Variants in NEXMIF observed in about 807,000 individuals in gnomAD.
NEXMIF encodes neurite extension and migration factor.
Under a neutral mutation model 62.1 loss-of-function variants are expected in NEXMIF, and 8 were observed. The observed-to-expected ratio is 0.13, with a 90% CI of 0.08 to 0.23. The LOEUF is 0.23. NEXMIF is among the 10% of genes least tolerant of loss of function. NEXMIF has a pLI of 1.00. For missense variants in NEXMIF, 976 were observed against 1,113.3 expected (o/e 0.88, Z 1.75); for synonymous variants, 404 against 416.6 (o/e 0.97, Z 0.37).
intron 1 of NEXMIF, among the ~76,000 whole-genome samples, chrX:74,914,142 G>C (rs982422966): frequency 8.9e-6 from 1 of 111,745 alleles, no homozygotes; most frequent in African/African-American, 3.3e-5. Context: ...AACTTAAAGA[G>C]GGGTAAGGTT....
At chrX:74,758,746 T>G (rs948882840) in intron 1 of NEXMIF, among the ~76,000 whole-genome samples, 3 of 112,186 alleles carry the variant, frequency 2.7e-5, no homozygotes, top group African/African-American at 9.7e-5. Flanking sequence ...GACCTCGTTC[T>G]TTTTTTATGG....
intron 1 of NEXMIF, among the ~76,000 whole-genome samples, chrX:74,823,886 T>G (rs1281918059): frequency 8.9e-6 from 1 of 111,872 alleles, no homozygotes; most frequent in East Asian, 2.8e-4. Context: ...GCAAATTTTC[T>G]GTAAGTCCTA....
At chrX:74,884,075 T>C (rs1023592878) in intron 1 of NEXMIF, among the ~76,000 whole-genome samples, 3 of 111,286 alleles carry the variant, frequency 2.7e-5, no homozygotes, top group Non-Finnish European at 5.7e-5. Context: ...GAAATAAAAT[T>C]CTTTACAGAC....
At chrX:74,833,316 G>A (rs777325983) in intron 1 of NEXMIF, among the ~76,000 whole-genome samples, 17 of 111,444 alleles carry the variant, frequency 1.5e-4, no homozygotes, top group East Asian at 1.1e-3. Context: ...ATTTACAATC[G>A]TTCTATCCTG....
intron 1 of NEXMIF, among the ~76,000 whole-genome samples, chrX:74,793,066 A>G (rs2080291288): frequency 9.2e-6 from 1 of 109,142 alleles, no homozygotes; most frequent in African/African-American, 3.3e-5. Flanking sequence ...GTTTCTTCCT[A>G]GTCTTGATGG....
intron 2 of NEXMIF, among the ~76,000 whole-genome samples, chrX:74,744,930 CCTCTCT>C (rs749595584): frequency 1.2e-5 from 1 of 86,571 alleles, no homozygotes; most frequent in African/African-American, 4.3e-5. Flanking sequence ...TTCTCTCTCT[CCTCTCT>C]CTCTCTCTCT....
chrX:74,857,408 C>T (rs951909514), intron 1 of NEXMIF, among the ~76,000 whole-genome samples: 3 of 112,089 alleles, frequency 2.7e-5, no homozygotes, highest in African/African-American at 9.7e-5. Flanking sequence ...TAGACACATT[C>T]TGAAACAGAA....
At chrX:74,748,225 T>A (rs1003359800) in intron 1 of NEXMIF, among the ~76,000 whole-genome samples, 1 of 112,093 alleles carries the variant, frequency 8.9e-6, no homozygotes, top group African/African-American at 3.2e-5. Context: ...AAGGGAAAAC[T>A]GAGTATCACA....
intron 1 of NEXMIF, among the ~76,000 whole-genome samples, chrX:74,851,686 G>C (rs1480807657): frequency 9.0e-6 from 1 of 111,626 alleles, no homozygotes; most frequent in Admixed American, 9.5e-5. Context: ...AGCCAAAGCT[G>C]AGGGAATTCA....
At chrX:74,912,602 T>G (rs1220445454) in intron 1 of NEXMIF, among the ~76,000 whole-genome samples, 3 of 111,294 alleles carry the variant, frequency 2.7e-5, no homozygotes, top group African/African-American at 9.8e-5. Context: ...GCACCTCAGG[T>G]TTTGGAACCA....
At chrX:74,912,206 C>A (rs751792778) in intron 1 of NEXMIF, among the ~76,000 whole-genome samples, 1 of 111,449 alleles carries the variant, frequency 9.0e-6, no homozygotes, top group Admixed American at 9.5e-5. Context: ...TAAATGCTCC[C>A]CACCTGGCTA....
intron 1 of NEXMIF, among the ~76,000 whole-genome samples, chrX:74,866,952 A>C (rs2080581902): frequency 8.9e-6 from 1 of 112,458 alleles, no homozygotes; most frequent in Admixed American, 9.4e-5. Flanking sequence ...ATACAAAACC[A>C]ATGTGCAAGA....
intron 1 of NEXMIF, among the ~76,000 whole-genome samples, chrX:74,755,697 G>A (rs1228990412): frequency 9.0e-6 from 1 of 111,642 alleles, no homozygotes; most frequent in Non-Finnish European, 1.9e-5. Context: ...TAAAACTACT[G>A]TTTCAGATCC....
intron 1 of NEXMIF, among the ~76,000 whole-genome samples, chrX:74,760,540 T>C (rs2080172737): frequency 8.9e-6 from 1 of 111,992 alleles, no homozygotes; most frequent in South Asian, 3.7e-4. Flanking sequence ...TAGATGGCTC[T>C]TATTATTTTG....
intron 1 of NEXMIF, among the ~76,000 whole-genome samples, chrX:74,876,791 T>G (rs1371782803): frequency 1.9e-5 from 2 of 103,264 alleles, no homozygotes; most frequent in Admixed American, 1.1e-4. Flanking sequence ...AAAGTCTGTT[T>G]TATCAGAGAC....
At chrX:74,879,480 AG>A (rs1292624346) in intron 1 of NEXMIF, among the ~76,000 whole-genome samples, 3 of 112,344 alleles carry the variant, frequency 2.7e-5, no homozygotes, top group Non-Finnish European at 5.6e-5. Context: ...AATAAAGCAA[AG>A]AGAAAAATAA....
intron 1 of NEXMIF, among the ~76,000 whole-genome samples, chrX:74,796,669 G>A (rs2080312998): frequency 9.0e-6 from 1 of 110,884 alleles, no homozygotes; most frequent in Non-Finnish European, 1.9e-5. Flanking sequence ...TAAAGCAGGA[G>A]CATTTGAGTA....
chrX:74,855,039 T>A (rs2080529792), intron 1 of NEXMIF, among the ~76,000 whole-genome samples: 1 of 111,578 alleles, frequency 9.0e-6, no homozygotes, highest in Non-Finnish European at 1.9e-5. Flanking sequence ...AATATCAATG[T>A]CATTTTTCAC....
chrX:74,797,633 C>G (rs914799566), intron 1 of NEXMIF, among the ~76,000 whole-genome samples: 1 of 111,823 alleles, frequency 8.9e-6, no homozygotes, highest in Non-Finnish European at 1.9e-5. Flanking sequence ...TGACCTTAAG[C>G]AAGTTCCTTT....
Sources: gnomAD v4.1 joint callset for allele counts (sites outside exome capture counted in the v4.1 genomes callset) on GRCh38, gnomAD v4.1.1 for gene constraint, MANE v1.5 for transcripts, NCBI Gene and HGNC (gene_info 2026-07-23, HGNC 2026-07-21) for gene names.